Variants in RHBDL3 observed in about 807,000 individuals in gnomAD.
The protein encoded by RHBDL3 is rhomboid like 3.
A neutral mutation model predicts 48.2 loss-of-function variants in RHBDL3; 28 were observed. That is an observed-to-expected ratio of 0.58 (90% CI 0.43 to 0.80). The LOEUF (loss-of-function observed/expected upper bound fraction) is 0.80. Ranked by LOEUF, RHBDL3 falls within the 30% of genes least tolerant of loss-of-function variation. The probability of loss-of-function intolerance (pLI) is 0.00; values close to 1 mark genes in which losing one functional copy is unlikely to be tolerated. For synonymous variants in RHBDL3, 208 were observed against 232.3 expected (o/e 0.90, Z 0.95); for missense variants, 464 against 542.7 (o/e 0.85, Z 1.44).
At chr17:32,275,094 G>A (rs562531530) in intron 2 of RHBDL3, among the ~76,000 whole-genome samples, 2 of 152,292 alleles carry the variant, frequency 1.3e-5, no homozygotes, top group African/African-American at 4.8e-5. Context: ...TTTGGTGGCT[G>A]CCAGGAGAAG....
rs1165183386 is a variant in RHBDL3 at position 32,276,041 on chromosome 17, AG to A, written c.135+8121del. 9.8e-5 allele frequency among the ~76,000 whole-genome samples: 15 copies of A among 152,328 alleles called. No homozygotes were observed. The East Asian group carries it at 2.5e-3, about 25-fold the overall frequency. ...CCACCCCTTCCAGAGTGCCTCAGGCAGGGGGCATGTCTCTGAGTACCTCAAT... is the reference window on the plus strand; with the variant it reads ...CCACCCCTTCCAGAGTGCCTCAGGCAGGGGCATGTCTCTGAGTACCTCAAT... On this transcript the variant is annotated intron_variant, in intron 2 of 8. Transcript: ENST00000269051.
chr17:32,304,478 C>T (rs2040661477), intron 6 of RHBDL3, among the ~76,000 whole-genome samples: 1 of 152,158 alleles, frequency 6.6e-6, no homozygotes, highest in Non-Finnish European at 1.5e-5. Context: ...GATGCAAATC[C>T]TGGTTCCGGC....
intron 6 of RHBDL3, among the ~76,000 whole-genome samples, chr17:32,298,778 T>C (rs2040514670): frequency 6.6e-6 from 1 of 152,014 alleles, no homozygotes; most frequent in South Asian, 2.1e-4. Context: ...TGACAGGGAG[T>C]CTGACCTAAG....
chr17:32,309,145 T>C (rs1233307326), intron 7 of RHBDL3, among the ~76,000 whole-genome samples: 3 of 151,914 alleles, frequency 2.0e-5, no homozygotes, highest in Non-Finnish European at 4.4e-5. Flanking sequence ...CTAATAGATA[T>C]ACTATTGTTT....
At chr17:32,266,614 G>A (rs1179795821) in intron 1 of RHBDL3, among the ~76,000 whole-genome samples, 5 of 152,196 alleles carry the variant, frequency 3.3e-5, no homozygotes. Flanking sequence ...TTCCCGCAGA[G>A]GCGGCCGCGT....
At chr17:32,283,947 C>T (rs997430851) in intron 2 of RHBDL3, among the ~76,000 whole-genome samples, 9 of 152,138 alleles carry the variant, frequency 5.9e-5, no homozygotes, top group South Asian at 2.1e-4. Context: ...AAGGGTGAGT[C>T]GGAGTCTTCC....
At chr17:32,303,954 T>C (rs1292256886) in intron 6 of RHBDL3, among the ~76,000 whole-genome samples, 1 of 152,146 alleles carries the variant, frequency 6.6e-6, no homozygotes, top group Non-Finnish European at 1.5e-5. Flanking sequence ...CATTTTCCAG[T>C]GGTAATTTCT....
At chr17:32,296,487 C>G (rs1440671152) in intron 5 of RHBDL3, among the ~76,000 whole-genome samples, 1 of 151,268 alleles carries the variant, frequency 6.6e-6, no homozygotes. Flanking sequence ...AGGTGCATGC[C>G]ACCACTCCCA....
intron 7 of RHBDL3, among the ~76,000 whole-genome samples, chr17:32,310,967 G>A (rs185231044): frequency 0.011 from 1,676 of 151,196 alleles, 27 homozygotes; most frequent in Middle Eastern, 0.031. Flanking sequence ...ATTTATCTGC[G>A]TCATACTTTC....
chr17:32,283,690 GA>G (rs1429585535), intron 2 of RHBDL3, among the ~76,000 whole-genome samples: 1 of 152,180 alleles, frequency 6.6e-6, no homozygotes, highest in Non-Finnish European at 1.5e-5. Flanking sequence ...CTGTTCATCT[GA>G]ACACCCACTA....
chr17:32,287,622 G>GT (rs1371155463), intron 3 of RHBDL3, among the ~76,000 whole-genome samples: 2 of 152,288 alleles, frequency 1.3e-5, no homozygotes, highest in African/African-American at 4.8e-5. Context: ...CCAGCCATCT[G>GT]CCCTCTGACA....
chr17:32,315,824 C>T (rs906996980), intron 7 of RHBDL3, among the ~76,000 whole-genome samples: 6 of 151,848 alleles, frequency 4.0e-5, no homozygotes, highest in African/African-American at 1.2e-4. Context: ...AAGATCCTGG[C>T]TTCCCCATTC....
At chr17:32,299,896 T>C (rs2040543272) in intron 6 of RHBDL3, among the ~76,000 whole-genome samples, 1 of 152,138 alleles carries the variant, frequency 6.6e-6, no homozygotes, top group Admixed American at 6.5e-5. Context: ...CATGATTGAG[T>C]TGATTGATCT....
intron 6 of RHBDL3, among the ~76,000 whole-genome samples, chr17:32,302,531 G>T (rs2040608969): frequency 8.2e-6 from 1 of 122,460 alleles, no homozygotes; most frequent in Non-Finnish European, 1.9e-5. Flanking sequence ...GCTAATTTTT[G>T]TATATATATA....
intron 1 of RHBDL3, 85 bp downstream of exon 1, chr17:32,266,385 T>A: frequency 1.4e-6 from 1 of 695,888 alleles, no homozygotes; most frequent in Non-Finnish European, 2.1e-6. Context: ...GCCGGGCAAC[T>A]TGGAGGTTTC....
chr17:32,296,232 G>A (rs1315072762), intron 5 of RHBDL3, among the ~76,000 whole-genome samples: 1 of 106,290 alleles, frequency 9.4e-6, no homozygotes, highest in African/African-American at 3.3e-5. Context: ...GACAGAAAGA[G>A]ACTCCATCTC....
chr17:32,279,922 C>G (rs2040002762), intron 2 of RHBDL3, among the ~76,000 whole-genome samples: 1 of 152,160 alleles, frequency 6.6e-6, no homozygotes, highest in South Asian at 2.1e-4. Context: ...GGTCAGTTCC[C>G]CTACCTAGAT....
chr17:32,293,497 G>A (rs1213779155), intron 4 of RHBDL3, among the ~76,000 whole-genome samples: 3 of 151,308 alleles, frequency 2.0e-5, no homozygotes, highest in Admixed American at 1.3e-4. Flanking sequence ...TAGGATAATC[G>A]CTTGAACCCG....
At chr17:32,317,444 G>T (rs183969656) in intron 8 of RHBDL3, among the ~76,000 whole-genome samples, 71 of 152,280 alleles carry the variant, frequency 4.7e-4, no homozygotes, top group African/African-American at 1.6e-3. Context: ...GATGTCTTCA[G>T]GGCCCTAGTT....
Sources: allele counts gnomAD v4.1 joint callset (sites outside exome capture counted in the v4.1 genomes callset), GRCh38; gene constraint gnomAD v4.1.1; transcripts MANE v1.5; gene names NCBI Gene and HGNC (gene_info 2026-07-23, HGNC 2026-07-21).